The following RPL28 variants were observed in gnomAD, a reference collection of about 807,000 sequenced individuals.
The protein encoded by RPL28 is ribosomal protein L28.
In RPL28, 4 loss-of-function variants were observed where a neutral mutation model predicts 12.5. That is an observed-to-expected ratio of 0.32 (90% CI 0.16 to 0.73). The LOEUF (loss-of-function observed/expected upper bound fraction) is 0.73, where lower values mean the gene tolerates loss of function less well. RPL28 is among the 30% of genes least tolerant of loss of function. The pLI, the probability that RPL28 is intolerant of heterozygous loss-of-function variation, is 0.66. For missense variants in RPL28, 214 were observed against 197.7 expected (o/e 1.08, Z -0.49); for synonymous variants, 91 against 72.5 (o/e 1.26, Z -1.30).
chr19:55,392,432 T>G (rs774144686), downstream of RPL28, among the ~76,000 whole-genome samples: 1 of 152,156 alleles, frequency 6.6e-6, no homozygotes, highest in Non-Finnish European at 1.5e-5. Context: ...AGGGTCTCAC[T>G]GTGTTGCCCA....
chr19:55,388,146 ATTCTTGC>A, intron 4 of RPL28, 90 bp from the exon 5 acceptor site: 2 of 1,570,448 alleles, frequency 1.3e-6, no homozygotes, highest in South Asian at 2.3e-5. Context: ...AGAGGGATGG[ATTCTTGC>A]TTTCAGCCTA....
rs2089973872 is a variant in RPL28, at chr19:55,389,873, G to C, written c.*1541G>C. Reference sequence around the variant, plus strand: ...ACCTCCAGCTGGCCTCACTCCGCTGGTGACTTCGTACCTGCTCAGGAGCCC... The same window carrying C: ...ACCTCCAGCTGGCCTCACTCCGCTGCTGACTTCGTACCTGCTCAGGAGCCC... On this transcript the variant is annotated 3_prime_UTR_variant, in exon 5 of 5. Transcript: ENST00000344063. 1.0e-6 allele frequency: 1 copy of C among 985,490 alleles called. No homozygotes were observed. The highest frequency in any genetic ancestry group is 6.2e-5 in the Admixed American group (1 of 16,252). The allele number at this position is 985,490 out of a possible 1,614,324, so 61.0% of individuals were successfully genotyped here.
At chr19:55,395,551 C>A (rs1172198951), downstream of RPL28, among the ~76,000 whole-genome samples, 1 of 151,452 alleles carries the variant, frequency 6.6e-6, no homozygotes, top group Non-Finnish European at 1.5e-5. Flanking sequence ...TCACGCCATT[C>A]TCCTGCCTCA....
chr19:55,402,802 G>A, intron 4 of RPL28: 1 of 668,890 alleles, frequency 1.5e-6, no homozygotes, highest in Non-Finnish European at 2.5e-6. Context: ...GGCGGTACAT[G>A]TGGGAGGGAA....
Position 55,389,337 on chromosome 19 carries a change from G to A in RPL28, c.*1005G>A, listed in dbSNP as rs1209282005. ...AGCCCCACCACTACACTCCAGCCTG[G>A]AAGACACCATGACACACAGTGAGGC... On this transcript the variant is annotated 3_prime_UTR_variant, in exon 5 of 5. Transcript: ENST00000344063. 7.4e-6 allele frequency: 7 copies of A among 948,562 alleles called. No individual in the cohort carries two copies. Among genetic ancestry groups the A allele is most frequent in the Non-Finnish European group, 8.6e-6 (7 of 813,768 alleles). 58.8% of individuals were successfully genotyped at this position (948,562 alleles called of 1,614,324 possible). A position where few individuals can be genotyped will look rare whatever the true frequency, so the allele number is the denominator to read the frequency against.
chr19:55,397,449 G>C (rs1200680292), intron 4 of RPL28, among the ~76,000 whole-genome samples: 4 of 151,830 alleles, frequency 2.6e-5, no homozygotes, highest in African/African-American at 9.7e-5. Context: ...GCGCGATCTC[G>C]GCTCACTGCA....
intron 4 of RPL28, chr19:55,401,547 C>A (rs567912804): frequency 7.4e-5 from 119 of 1,610,634 alleles, no homozygotes; most frequent in Non-Finnish European, 9.5e-5. Flanking sequence ...CTCCCGGGCC[C>A]CCTGGGGCCC....
chr19:55,397,627 G>T (rs141510074), intron 4 of RPL28, among the ~76,000 whole-genome samples: 3 of 151,964 alleles, frequency 2.0e-5, no homozygotes, highest in Non-Finnish European at 4.4e-5. Flanking sequence ...TGATCCACCC[G>T]CCTCGACCTC....
chr19:55,386,631 CTG>C lies in RPL28; in HGVS notation c.146_147del (p.Val49GlyfsTer16). 1 of 1,614,124 alleles carries C rather than the reference CTG, an allele frequency of 6.2e-7. No individual in the cohort carries two copies. Among genetic ancestry groups the C allele is most frequent in the Non-Finnish European group, 8.5e-7 (1 of 1,180,000 alleles). On this transcript the variant is annotated frameshift_variant, in exon 3 of 5. Transcript: ENST00000344063. LOFTEE classifies it high-confidence loss of function. ...TACAACGGACTGATTCACCGCAAGA[CTG>C]TGGGCGTGGAGCCGGCAGCCGACGG...
chr19:55,392,226 C>A, downstream of RPL28: 1 of 490,324 alleles, frequency 2.0e-6, no homozygotes, highest in Non-Finnish European at 2.6e-6. Context: ...CATATGCATG[C>A]AGATCTCCTC....
Position 55,386,453 on chromosome 19 carries a change from G to T in RPL28, c.81+15G>T. 6.2e-7 allele frequency: 1 copy of T among 1,613,440 alleles called. No homozygotes were observed. Among genetic ancestry groups the T allele is most frequent in the South Asian group, 1.1e-5 (1 of 91,074 alleles). ...CCTACAGCACTGTAAGTGGGGCCCG[G>T]ATGCGTGGCTCCTGCGGGAGGAGGG... On this transcript the variant is annotated intron_variant, in intron 2 of 4. Transcript: ENST00000344063.
chr19:55,396,755 G>T (rs563608629), downstream of RPL28, among the ~76,000 whole-genome samples: 71 of 148,276 alleles, frequency 4.8e-4, no homozygotes, highest in Non-Finnish European at 8.5e-4. Context: ...TAATTTTTTT[G>T]ATTTTTAGTA....
Position 55,390,056 on chromosome 19 carries a change from T to G in RPL28, c.*1724T>G, listed in dbSNP as rs1250950618. ...TTCAGTTGTCCTCCACAGCACTGAT[T>G]TGCAGCCCACAAGCTGGCAGGTTTA... is the stretch of plus-strand genomic sequence containing the variant. On this transcript the variant is annotated 3_prime_UTR_variant, in exon 5 of 5. Coordinates refer to ENST00000344063, the MANE Select transcript of RPL28 (RefSeq NM_000991.5). The G allele has an allele frequency of 8.1e-6, 8 of 985,436 alleles. No individual in the cohort carries two copies. Among genetic ancestry groups the G allele is most frequent in the Non-Finnish European group, 9.6e-6 (8 of 830,000 alleles). 61.0% of individuals were successfully genotyped at this position (985,436 alleles called of 1,614,324 possible). A position where few individuals can be genotyped will look rare whatever the true frequency, so the allele number is the denominator to read the frequency against.
chr19:55,388,660 A>G lies in RPL28; in HGVS notation c.*328A>G. 1 of 1,143,160 alleles carries G rather than the reference A, an allele frequency of 8.7e-7. No individual in the cohort carries two copies. Among genetic ancestry groups the G allele is most frequent in the Non-Finnish European group, 1.1e-6 (1 of 931,514 alleles). 70.8% of individuals were successfully genotyped at this position (1,143,160 alleles called of 1,614,324 possible). A position where few individuals can be genotyped will look rare whatever the true frequency, so the allele number is the denominator to read the frequency against. On this transcript the variant is annotated 3_prime_UTR_variant, in exon 5 of 5. Coordinates refer to ENST00000344063, the MANE Select transcript of RPL28 (RefSeq NM_000991.5). ...GGCAGTGGCTTCCATTCAGAAGAAG[A>G]AAGGCCTTTTCTAGCCCAGAAGGGT...
intron 4 of RPL28, among the ~76,000 whole-genome samples, chr19:55,397,676 C>A (rs1451269726): frequency 1.3e-5 from 2 of 151,934 alleles, no homozygotes; most frequent in African/African-American, 4.8e-5. Flanking sequence ...CCGCGCCCGG[C>A]CAGGACAAAT....
At chr19:55,397,387 G>GT (rs2090030909) in intron 4 of RPL28, among the ~76,000 whole-genome samples, 1 of 152,118 alleles carries the variant, frequency 6.6e-6, no homozygotes, top group African/African-American at 2.4e-5. Context: ...AAATGTTTTT[G>GT]TTTTTGTTTT....
downstream of RPL28, chr19:55,392,106 A>G (rs1350210685): frequency 8.1e-6 from 8 of 993,618 alleles, no homozygotes; most frequent in Admixed American, 6.0e-5. Context: ...TGAAATATGC[A>G]TGTGGTCTTG....
chr19:55,388,671 C>T lies in RPL28; in HGVS notation c.*339C>T. 9.0e-7 allele frequency: 1 copy of T among 1,107,012 alleles called. No homozygotes were observed. Among genetic ancestry groups the T allele is most frequent in the Non-Finnish European group, 1.1e-6 (1 of 908,572 alleles). The allele number at this position is 1,107,012 out of a possible 1,614,324, so 68.6% of individuals were successfully genotyped here. ...CCATTCAGAAGAAGAAAGGCCTTTTCTAGCCCAGAAGGGTGCAGGCTGAGG... is the reference window on the plus strand; with the variant it reads ...CCATTCAGAAGAAGAAAGGCCTTTTTTAGCCCAGAAGGGTGCAGGCTGAGG... On this transcript the variant is annotated 3_prime_UTR_variant, in exon 5 of 5. Transcript: ENST00000344063.
chr19:55,388,266 C>T lies in RPL28; in HGVS notation c.348C>T (p.Ala116=), dbSNP rs1198478970. 7.6e-6 allele frequency: 12 copies of T among 1,577,668 alleles called. No individual in the cohort carries two copies. In the South Asian group the frequency reaches 1.3e-4, roughly 17 times the overall value. ...LRMAAIRRAS[A]ILRSQKPVMV... ...AGGCAGCCATCCGCAGGGCCAGCGC[C>T]ATCCTGCGCAGCCAGAAGCCTGTGA... is the stretch of plus-strand genomic sequence containing the variant. The change falls in exon 5 of 5, where the codon GCC becomes GCT. Residue 116 remains alanine, a synonymous_variant. Coordinates refer to ENST00000344063, the MANE Select transcript of RPL28 (RefSeq NM_000991.5).
Sources: allele counts gnomAD v4.1 joint callset (sites outside exome capture counted in the v4.1 genomes callset), GRCh38; gene constraint gnomAD v4.1.1; transcripts MANE v1.5; gene names NCBI Gene and HGNC (gene_info 2026-07-23, HGNC 2026-07-21).